The following SPAG17 variants were observed in gnomAD, a reference collection of about 807,000 sequenced individuals.
SPAG17 encodes the protein sperm-associated antigen 17.
Under a neutral mutation model 273.6 loss-of-function variants are expected in SPAG17, and 169 were observed. The ratio of observed to expected loss-of-function variants is 0.62; its 90% confidence interval spans 0.55 to 0.70. The LOEUF is 0.70. SPAG17 is among the 30% of genes least tolerant of loss of function. The pLI, the probability that SPAG17 is intolerant of heterozygous loss-of-function variation, is 0.00. For synonymous variants in SPAG17, 825 were observed against 873.2 expected (o/e 0.94, Z 0.97); for missense variants, 2,557 against 2,627.8 (o/e 0.97, Z 0.59).
intron 28 of SPAG17, among the ~76,000 whole-genome samples, chr1:118,018,611 T>C (rs1235590062): frequency 1.3e-5 from 2 of 151,850 alleles, no homozygotes; most frequent in East Asian, 1.9e-4. Context: ...GGTAGGAGGA[T>C]TGCTTAAGCC....
intron 24 of SPAG17, among the ~76,000 whole-genome samples, chr1:118,032,674 A>C (rs1380483027): frequency 3.3e-5 from 5 of 151,986 alleles, no homozygotes; most frequent in African/African-American, 1.2e-4. Flanking sequence ...GGCTCACTGC[A>C]ACCTCCTCCC....
Position 117,972,000 on chromosome 1 carries a change from A to G in SPAG17, c.6189T>C (p.Ser2063=). ...ATGACTTTGCATTATTAATGGCAGC[A>G]GATGCAACAGAGGATGTGTTCACTT... ...GGKVNTSSVA[S]AAINNAKSSL... is the part of the protein sequence containing the mutation. The change falls in exon 45 of 49, where the codon TCT becomes TCC. Residue 2063 remains serine (S), a synonymous_variant. Coordinates refer to ENST00000336338, the MANE Select transcript of SPAG17 (RefSeq NM_206996.4). 6.2e-7 allele frequency: 1 copy of G among 1,614,142 alleles called. No homozygotes were observed. The highest frequency in any genetic ancestry group is 1.6e-4 in the Middle Eastern group (1 of 6,062).
chr1:117,993,709 C>T (rs552765374), intron 35 of SPAG17, among the ~76,000 whole-genome samples: 16 of 152,328 alleles, frequency 1.1e-4, no homozygotes, highest in South Asian at 8.3e-4. Flanking sequence ...ATTAACACTA[C>T]TATCAATCTC....
At chr1:117,967,575 G>A (rs1417217563) in intron 46 of SPAG17, among the ~76,000 whole-genome samples, 1 of 152,212 alleles carries the variant, frequency 6.6e-6, no homozygotes, top group Non-Finnish European at 1.5e-5. Context: ...GGACAAATGT[G>A]ACTTTAGGGT....
intron 48 of SPAG17, among the ~76,000 whole-genome samples, chr1:117,956,339 T>A (rs1197825019): frequency 6.6e-6 from 1 of 152,182 alleles, no homozygotes; most frequent in Non-Finnish European, 1.5e-5. Flanking sequence ...ATTTTCCTTT[T>A]GATTTTATTT....
Position 118,148,944 on chromosome 1 carries a change from A to G in SPAG17, c.315+1599T>C, listed in dbSNP as rs77161350. 5.4e-4 allele frequency among the ~76,000 whole-genome samples: 83 copies of G among 152,314 alleles called. No homozygotes were observed. The East Asian group carries it at 0.014, about 26-fold the overall frequency. On this transcript the variant is annotated intron_variant, in intron 3 of 48. Transcript: ENST00000336338. ...GATGGGAAATATTCCCCTCTTCTCC[A>G]GATGTGCAACCTGTCCTTGGCTGAT...
At chr1:118,037,093 T>C (rs1649172973) in intron 23 of SPAG17, among the ~76,000 whole-genome samples, 1 of 152,082 alleles carries the variant, frequency 6.6e-6, no homozygotes, top group African/African-American at 2.4e-5. Context: ...TTTAGGGACC[T>C]TAGGTTAAAG....
chr1:118,124,465 G>T (rs764404297), intron 3 of SPAG17, among the ~76,000 whole-genome samples: 2 of 152,142 alleles, frequency 1.3e-5, no homozygotes, highest in Non-Finnish European at 2.9e-5. Context: ...TGCATATATA[G>T]ACAAACAGTA....
chr1:118,165,208 T>C (rs1190941722), intron 1 of SPAG17, among the ~76,000 whole-genome samples: 1 of 152,224 alleles, frequency 6.6e-6, no homozygotes, highest in Non-Finnish European at 1.5e-5. Context: ...ACGGTCGTCC[T>C]GGGGTTTCTG....
intron 21 of SPAG17, among the ~76,000 whole-genome samples, chr1:118,041,196 A>G (rs1411037530): frequency 6.6e-6 from 1 of 152,110 alleles, no homozygotes. Context: ...TGGACACTCC[A>G]CTTTAGGAGG....
chr1:117,954,368 A>G (rs945043421), intron 48 of SPAG17, among the ~76,000 whole-genome samples: 1 of 152,084 alleles, frequency 6.6e-6, no homozygotes, highest in Non-Finnish European at 1.5e-5. Context: ...CAGGGTAACC[A>G]TTTCAGATTT....
At chr1:118,067,762 A>G (rs1653130124) in intron 17 of SPAG17, among the ~76,000 whole-genome samples, 1 of 152,206 alleles carries the variant, frequency 6.6e-6, no homozygotes, top group African/African-American at 2.4e-5. Context: ...CTTGTCCAAG[A>G]ACACTGTGTG....
chr1:117,966,910 C>T (rs922334851), intron 46 of SPAG17, among the ~76,000 whole-genome samples, 157 bp from the exon 47 acceptor site: 17 of 152,026 alleles, frequency 1.1e-4, no homozygotes, highest in African/African-American at 3.9e-4. Context: ...AAGCATTTAG[C>T]GGAATTACTT....
chr1:118,051,391 T>A (rs947128893), intron 20 of SPAG17, among the ~76,000 whole-genome samples: 1 of 152,044 alleles, frequency 6.6e-6, no homozygotes, highest in African/African-American at 2.4e-5. Context: ...CACTACTGGG[T>A]ATATATCTAA....
Position 118,028,327 on chromosome 1 carries a change from T to C in SPAG17, c.3677A>G (p.Asn1226Ser), listed in dbSNP as rs1277646436. Reference protein sequence around the residue: ...TLDVPTFQSLNVSCPSGLLLT... With the variant: ...TLDVPTFQSLSVSCPSGLLLT... ...CAGGAGCCCACTGGGGCAAGACACA[T>C]TTAGGCTCTGGAAGGTGGGAACATC... is the stretch of plus-strand genomic sequence containing the variant. The change falls in exon 26 of 49, where the codon AAT (asparagine) becomes AGT (serine). Residue 1226 changes from asparagine (N) to serine (S), a missense_variant. By Grantham distance (46) the Asn-to-Ser change is conservative. Transcript: ENST00000336338. The C allele has an allele frequency of 6.2e-7, 1 of 1,613,714 alleles. No individual in the cohort carries two copies. The highest frequency in any genetic ancestry group is 8.5e-7 in the Non-Finnish European group (1 of 1,179,780).
intron 1 of SPAG17, among the ~76,000 whole-genome samples, chr1:118,152,051 TG>T (rs1343270996): frequency 6.6e-6 from 1 of 152,218 alleles, no homozygotes; most frequent in Non-Finnish European, 1.5e-5. Flanking sequence ...TGGCGCTCAC[TG>T]GATTACCTCA....
Position 117,971,847 on chromosome 1 carries a change from G to C in SPAG17, c.6326+16C>G. On this transcript the variant is annotated intron_variant, in intron 45 of 48. Coordinates refer to ENST00000336338, the MANE Select transcript of SPAG17 (RefSeq NM_206996.4). The stretch of plus-strand genomic sequence containing the variant: ...GGAAAGGTAACCTGAGCAGACCTTT[G>C]GTCCCTTGGCCTCACCTGCAGAAGT... 6.2e-7 allele frequency: 1 copy of C among 1,605,864 alleles called. No homozygotes were observed. Among genetic ancestry groups the C allele is most frequent in the Non-Finnish European group, 8.5e-7 (1 of 1,175,782 alleles).
intron 43 of SPAG17, among the ~76,000 whole-genome samples, chr1:117,979,393 C>A (rs1337420753): frequency 6.6e-6 from 1 of 152,174 alleles, no homozygotes; most frequent in Non-Finnish European, 1.5e-5. Context: ...TCTTGAGCAG[C>A]AAATTCTATT....
At chr1:118,131,155 G>A (rs1570747961) in intron 3 of SPAG17, among the ~76,000 whole-genome samples, 1 of 152,152 alleles carries the variant, frequency 6.6e-6, no homozygotes, top group Non-Finnish European at 1.5e-5. Context: ...CCTGGTTGAG[G>A]TTCCTTTCAA....
Sources: gnomAD v4.1 joint callset for allele counts (sites outside exome capture counted in the v4.1 genomes callset) on GRCh38, gnomAD v4.1.1 for gene constraint, MANE v1.5 for transcripts, NCBI Gene and HGNC (gene_info 2026-07-23, HGNC 2026-07-21) for gene names.